Variants in CACNA2D1 observed in about 807,000 individuals in gnomAD.
CACNA2D1 encodes the protein voltage-dependent calcium channel subunit alpha-2/delta-1.
CACNA2D1 carries 53 observed loss-of-function variants against 171.5 expected under a neutral mutation model. The ratio of observed to expected loss-of-function variants is 0.31; its 90% CI spans 0.25 to 0.39. CACNA2D1 has a LOEUF of 0.39. CACNA2D1 is among the 10% of genes least tolerant of loss of function. The pLI is 1.00. For synonymous variants in CACNA2D1, 442 were observed against 443.1 expected (o/e 1.00, Z 0.03); for missense variants, 903 against 1,299.8 (o/e 0.69, Z 4.69).
intron 18 of CACNA2D1, among the ~76,000 whole-genome samples, chr7:82,003,719 A>G (rs1332399020): frequency 6.7e-6 from 1 of 149,654 alleles, no homozygotes; most frequent in African/African-American, 2.5e-5. Flanking sequence ...AAAAGTAGAG[A>G]TCCTTCACAC....
At chr7:82,289,826 C>G (rs1185701430) in intron 3 of CACNA2D1, among the ~76,000 whole-genome samples, 4 of 152,212 alleles carry the variant, frequency 2.6e-5, no homozygotes, top group Admixed American at 2.0e-4. Context: ...TGCCAGTGAT[C>G]AGTAAATATT....
intron 4 of CACNA2D1, among the ~76,000 whole-genome samples, chr7:82,164,865 T>C (rs1202906193): frequency 6.6e-6 from 1 of 152,022 alleles, no homozygotes. Context: ...TACACTCCCA[T>C]TTTAATGCAA....
chr7:81,978,619 T>C (rs1361940554), intron 24 of CACNA2D1, among the ~76,000 whole-genome samples: 1 of 151,918 alleles, frequency 6.6e-6, no homozygotes, highest in Non-Finnish European at 1.5e-5. Context: ...AAATTTCTAA[T>C]TCATGTGGGG....
chr7:81,981,907 T>A (rs1159855876), intron 24 of CACNA2D1, among the ~76,000 whole-genome samples: 2 of 152,144 alleles, frequency 1.3e-5, no homozygotes, highest in Admixed American at 6.6e-5. Flanking sequence ...AATTAGACCA[T>A]TAAAAAAATC....
In CACNA2D1 at chr7:82,240,989, G is replaced by A. The variant is rs530703102; in HGVS notation, c.295-70380C>T. Among the ~76,000 whole-genome samples, 16 of 150,908 alleles carry A rather than the reference G, an allele frequency of 1.1e-4. No individual in the cohort carries two copies. In the East Asian group the frequency reaches 3.1e-3, roughly 29 times the overall value. On this transcript the variant is annotated intron_variant, in intron 3 of 38. Coordinates refer to ENST00000356860, the MANE Select transcript of CACNA2D1 (RefSeq NM_000722.4). ...CTCAAAAAAAAAAAAGCAACTTTAAGGTCTTACTTTAAAGGTGTCATAAAG... is the reference window on the plus strand; with the variant it reads ...CTCAAAAAAAAAAAAGCAACTTTAAAGTCTTACTTTAAAGGTGTCATAAAG...
intron 25 of CACNA2D1, 101 bp from the exon 26 acceptor site, chr7:81,971,965 T>G: frequency 1.4e-6 from 1 of 739,700 alleles, no homozygotes. Flanking sequence ...GAGTAGATAT[T>G]TCTATGAATT....
chr7:82,262,991 C>T (rs192297876), intron 3 of CACNA2D1, among the ~76,000 whole-genome samples: 299 of 151,906 alleles, frequency 2.0e-3, no homozygotes, highest in African/African-American at 6.4e-3. Context: ...TTTGTCCAAT[C>T]GTATTTCTTC....
chr7:81,990,082 G>C (rs1265155736), intron 21 of CACNA2D1, among the ~76,000 whole-genome samples: 1 of 152,114 alleles, frequency 6.6e-6, no homozygotes, highest in Non-Finnish European at 1.5e-5. Flanking sequence ...AGGTAGGGGG[G>C]TGACAAGATC....
intron 3 of CACNA2D1, among the ~76,000 whole-genome samples, chr7:82,277,144 T>TCACATTTA (rs1264668206): frequency 2.6e-5 from 4 of 152,174 alleles, no homozygotes; most frequent in Non-Finnish European, 4.4e-5. Context: ...GACAGACTTT[T>TCACATTTA]CACATTTATC....
intron 19 of CACNA2D1, among the ~76,000 whole-genome samples, chr7:81,995,354 T>C (rs542097723): frequency 6.6e-6 from 1 of 152,180 alleles, no homozygotes; most frequent in Admixed American, 6.5e-5. Context: ...AAAATATTTT[T>C]AAGAGGACTC....
At chr7:82,155,151 A>G (rs1794251878) in intron 4 of CACNA2D1, among the ~76,000 whole-genome samples, 1 of 152,142 alleles carries the variant, frequency 6.6e-6, no homozygotes, top group African/African-American at 2.4e-5. Flanking sequence ...GTCTCCCTAG[A>G]AACCAAACAG....
At chr7:82,184,169 CTTTTT>C (rs72155870) in intron 3 of CACNA2D1, among the ~76,000 whole-genome samples, 1,767 of 127,406 alleles carry the variant, frequency 0.014, 22 homozygotes, top group Middle Eastern at 0.071. Flanking sequence ...TCGGTTTCCT[CTTTTT>C]TTTTTTTTTT....
intron 6 of CACNA2D1, among the ~76,000 whole-genome samples, chr7:82,085,932 C>T (rs1468508500): frequency 6.6e-6 from 1 of 152,078 alleles, no homozygotes; most frequent in Non-Finnish European, 1.5e-5. Context: ...ATCATAACTT[C>T]TCAAGTCTAG....
At chr7:82,244,595 C>T (rs1182631176) in intron 3 of CACNA2D1, among the ~76,000 whole-genome samples, 1 of 151,304 alleles carries the variant, frequency 6.6e-6, no homozygotes, top group East Asian at 1.9e-4. Flanking sequence ...GTCTTAACAT[C>T]AGTTAAAATA....
intron 1 of CACNA2D1, among the ~76,000 whole-genome samples, chr7:82,411,895 T>TCTCTCACA (rs1554548045): frequency 2.8e-5 from 4 of 144,790 alleles, no homozygotes; most frequent in African/African-American, 1.0e-4. Flanking sequence ...AAACTAAATC[T>TCTCTCACA]CACACACACA....
intron 3 of CACNA2D1, among the ~76,000 whole-genome samples, chr7:82,252,966 G>T (rs1434793905): frequency 6.6e-6 from 1 of 151,948 alleles, no homozygotes; most frequent in Non-Finnish European, 1.5e-5. Context: ...GATAAGAGAG[G>T]CTAAAACATA....
intron 3 of CACNA2D1, among the ~76,000 whole-genome samples, chr7:82,296,122 G>T (rs1812254367): frequency 6.9e-6 from 1 of 145,276 alleles, no homozygotes; most frequent in South Asian, 2.1e-4. Context: ...GGTGGGGGAA[G>T]GGGGGAGGGA....
chr7:82,375,993 T>A (rs1180872612), intron 1 of CACNA2D1, among the ~76,000 whole-genome samples: 2 of 152,012 alleles, frequency 1.3e-5, no homozygotes, highest in Non-Finnish European at 2.9e-5. Flanking sequence ...AGAAAATAGG[T>A]GTTCCAAAGG....
chr7:82,384,341 A>G (rs1404964005), intron 1 of CACNA2D1, among the ~76,000 whole-genome samples: 3 of 152,164 alleles, frequency 2.0e-5, no homozygotes, highest in Non-Finnish European at 4.4e-5. Context: ...TAGCAGCTTT[A>G]TAAGAAGAGA....
Sources: gnomAD v4.1 joint callset for allele counts (sites outside exome capture counted in the v4.1 genomes callset) on GRCh38, gnomAD v4.1.1 for gene constraint, MANE v1.5 for transcripts, NCBI Gene and HGNC (gene_info 2026-07-23, HGNC 2026-07-21) for gene names.